FAR1: variants seen among roughly 807,000 people sequenced by gnomAD.
FAR1 encodes male sterility domain-containing protein 2.
In FAR1, 22 loss-of-function variants were observed where a neutral mutation model predicts 61.1. The observed-to-expected ratio is 0.36, with a 90% CI of 0.26 to 0.51. FAR1 has a LOEUF of 0.51. Ranked by LOEUF, FAR1 falls within the 20% of genes least tolerant of loss-of-function variation. FAR1 has a pLI of 0.95. For synonymous variants in FAR1, 206 were observed against 209.7 expected (o/e 0.98, Z 0.15); for missense variants, 359 against 626.9 (o/e 0.57, Z 4.56).
In FAR1 at chr11:13,713,002, C is replaced by A. The variant is rs750335749; in HGVS notation, c.924C>A (p.Gly308=). 3 of 1,612,982 alleles carry A rather than the reference C, an allele frequency of 1.9e-6. No homozygotes were observed. In the African/African-American group the frequency reaches 4.0e-5, roughly 22 times the overall value. ...TCATGGTGTATAATTGTACAACAGG[C>A]AGCACTAATCCTTTCCACTGGGGTG... ...RNIMVYNCTT[G]STNPFHWGEV... is the part of the protein sequence containing the mutation. The change falls in exon 8 of 12, where the codon GGC becomes GGA. Residue 308 remains glycine, a synonymous_variant. Coordinates refer to ENST00000354817, the MANE Select transcript of FAR1 (RefSeq NM_032228.6).
intron 9 of FAR1, 26 bp downstream of exon 9, chr11:13,714,706 C>G: frequency 6.4e-7 from 1 of 1,574,640 alleles, no homozygotes; most frequent in African/African-American, 1.4e-5. Context: ...TCTGTCTTAT[C>G]TGTTCCTCTG....
chr11:13,717,983 A>G (rs1392057896), intron 9 of FAR1, among the ~76,000 whole-genome samples: 1 of 152,108 alleles, frequency 6.6e-6, no homozygotes, highest in African/African-American at 2.4e-5. Flanking sequence ...AATCCAGCCT[A>G]TTAGACGAAA....
intron 1 of FAR1, chr11:13,669,286 G>A (rs1248727628): frequency 6.5e-6 from 1 of 152,928 alleles, no homozygotes; most frequent in Non-Finnish European, 1.5e-5. Context: ...GCGGGGCCGG[G>A]GAGTGTGGTT....
rs1162914176 is a variant in FAR1 at position 13,730,054 on chromosome 11, ATAG to A, written c.*1282_*1284del. 1 of 152,408 alleles carries A rather than the reference ATAG, an allele frequency of 6.6e-6. No homozygotes were observed. The highest frequency in any genetic ancestry group is 1.5e-5 in the Non-Finnish European group (1 of 67,894). 9.4% of individuals were successfully genotyped at this position (152,408 alleles called of 1,614,324 possible). ...ACATTAAAATTCCCTTTTAATCATA[ATAG>A]TTAACTCTACTTACTGTTTTAACAT... On this transcript the variant is annotated 3_prime_UTR_variant, in exon 12 of 12. Coordinates refer to ENST00000354817, the MANE Select transcript of FAR1 (RefSeq NM_032228.6).
intron 9 of FAR1, among the ~76,000 whole-genome samples, chr11:13,718,814 G>C (rs1848580050): frequency 6.6e-6 from 1 of 152,158 alleles, no homozygotes; most frequent in South Asian, 2.1e-4. Context: ...TTGCTGTGGA[G>C]GGAGTGGTAA....
At chr11:13,673,905 T>A (rs1241443528) in intron 1 of FAR1, among the ~76,000 whole-genome samples, 2 of 152,192 alleles carry the variant, frequency 1.3e-5, no homozygotes, top group African/African-American at 2.4e-5. Context: ...TCTTATCCTA[T>A]TATTTTTTTA....
In FAR1 at chr11:13,714,554, C is replaced by T. The variant is rs370867964; in HGVS notation, c.1001C>T (p.Ala334Val). Residue 334 changes from alanine (A) to valine (V), a missense_variant, in exon 9 of 12, where the codon GCC (alanine) becomes GTC (valine). Ala to Val is a moderately conservative substitution (Grantham distance 64, BLOSUM62 0). Transcript: ENST00000354817. ...STFKRNPLEQ[A>V]FRRPNVNLTS... The stretch of plus-strand genomic sequence containing the variant: ...TTCAAGAGGAATCCTCTCGAACAGG[C>T]CTTCAGACGGCCCAATGTAAATCTA... The T allele has an allele frequency of 6.2e-7, 1 of 1,612,864 alleles. No homozygotes were observed. The highest frequency in any genetic ancestry group is 1.3e-5 in the African/African-American group (1 of 74,802).
chr11:13,701,037 T>C (rs954291640), intron 3 of FAR1, among the ~76,000 whole-genome samples: 7 of 152,074 alleles, frequency 4.6e-5, no homozygotes, highest in African/African-American at 1.7e-4. Flanking sequence ...AAGAAAAAGT[T>C]AAGACTCTAA....
intron 9 of FAR1, chr11:13,719,936 A>AACAC (rs1293978990): frequency 1.3e-5 from 2 of 152,210 alleles, no homozygotes; most frequent in African/African-American, 4.8e-5. Context: ...ACATATTCAG[A>AACAC]ACATACCTGG....
chr11:13,728,895 A>G lies in FAR1; in HGVS notation c.*121A>G, dbSNP rs1458210330. 6 of 878,480 alleles carry G rather than the reference A, an allele frequency of 6.8e-6. No individual in the cohort carries two copies. Among genetic ancestry groups the G allele is most frequent in the Non-Finnish European group, 8.7e-6 (5 of 575,104 alleles). 54.4% of individuals were successfully genotyped at this position (878,480 alleles called of 1,614,324 possible). A position where few individuals can be genotyped will look rare whatever the true frequency, so the allele number is the denominator to read the frequency against. ...TAAACCATCTTAGATCGGAGTGTGA[A>G]GTAAATTATGGTATATTTTATGTAA... On this transcript the variant is annotated 3_prime_UTR_variant, in exon 12 of 12. Coordinates refer to ENST00000354817, the MANE Select transcript of FAR1 (RefSeq NM_032228.6).
chr11:13,726,361 A>G (rs896949386), intron 10 of FAR1, among the ~76,000 whole-genome samples: 1 of 151,950 alleles, frequency 6.6e-6, no homozygotes, highest in East Asian at 1.9e-4. Context: ...TTTCTCTAAC[A>G]TGGGTTTTCT....
At chr11:13,675,227 T>G (rs1433356983) in intron 1 of FAR1, among the ~76,000 whole-genome samples, 1 of 152,120 alleles carries the variant, frequency 6.6e-6, no homozygotes, top group Non-Finnish European at 1.5e-5. Context: ...GCAGGGATAA[T>G]ATAATTGAAG....
intron 2 of FAR1, among the ~76,000 whole-genome samples, chr11:13,697,928 G>A (rs1313515773): frequency 6.6e-6 from 1 of 152,088 alleles, no homozygotes; most frequent in East Asian, 1.9e-4. Flanking sequence ...ATGAATGGAT[G>A]TCCTTTAAAT....
At chr11:13,707,585 A>T (rs1319141475) in intron 3 of FAR1, among the ~76,000 whole-genome samples, 2 of 152,216 alleles carry the variant, frequency 1.3e-5, no homozygotes, top group Non-Finnish European at 2.9e-5. Flanking sequence ...AAATAAGTCT[A>T]GCATGACTTA....
intron 1 of FAR1, among the ~76,000 whole-genome samples, chr11:13,680,198 T>G (rs1276069478): frequency 2.0e-5 from 3 of 152,238 alleles, no homozygotes; most frequent in African/African-American, 4.8e-5. Context: ...CTACACTAAA[T>G]AATTTGTACA....
intron 10 of FAR1, among the ~76,000 whole-genome samples, chr11:13,726,726 CCTTT>C (rs1227614660): frequency 2.0e-5 from 3 of 149,400 alleles, no homozygotes; most frequent in African/African-American, 7.4e-5. Flanking sequence ...TGCTTCTCTT[CCTTT>C]TTTTTTTTTT....
At chr11:13,682,598 C>G (rs1224432470) in intron 1 of FAR1, among the ~76,000 whole-genome samples, 1 of 152,084 alleles carries the variant, frequency 6.6e-6, no homozygotes, top group Non-Finnish European at 1.5e-5. Flanking sequence ...AGTTGATTAT[C>G]CTTTTTACTT....
At chr11:13,712,929 T>C in intron 7 of FAR1, 37 bp from the exon 8 acceptor site, 1 of 1,578,430 alleles carries the variant, frequency 6.3e-7, no homozygotes, top group Non-Finnish European at 8.7e-7. Context: ...GTTTGGCCTC[T>C]TATTATGATT....
intron 3 of FAR1, among the ~76,000 whole-genome samples, chr11:13,705,152 G>A (rs1026279484): frequency 2.0e-5 from 3 of 151,348 alleles, no homozygotes; most frequent in African/African-American, 7.3e-5. Context: ...TTCTCATTTT[G>A]TACCCCCCTC....
Sources: allele counts gnomAD v4.1 joint callset (sites outside exome capture counted in the v4.1 genomes callset), GRCh38; gene constraint gnomAD v4.1.1; transcripts MANE v1.5; gene names NCBI Gene and HGNC (gene_info 2026-07-23, HGNC 2026-07-21).